LRRN2: variants seen among roughly 807,000 people sequenced by gnomAD.
LRRN2 encodes the protein leucine-rich repeat neuronal protein 2.
LRRN2 carries 10 observed loss-of-function variants against 35.7 expected under a neutral mutation model. That is an observed-to-expected ratio of 0.28 (90% CI 0.17 to 0.47). LRRN2 has a LOEUF of 0.47. Ranked by LOEUF, LRRN2 falls within the 20% of genes least tolerant of loss-of-function variation. LRRN2 has a pLI of 0.99. For synonymous variants in LRRN2, 391 were observed against 409.6 expected, an observed-to-expected ratio of 0.95 and a Z score of 0.55; for missense variants, 731 against 940.3, an observed-to-expected ratio of 0.78 and a Z score of 2.91.
At position 204,678,578 on chromosome 1, in the gene LRRN2, G is replaced by C. The variant is rs577970007; in HGVS notation, c.-227+6742C>G. On this transcript the variant is annotated intron_variant, in intron 1 of 1. Coordinates refer to ENST00000367177, the MANE Select transcript of LRRN2 (RefSeq NM_201630.2). ...AGAGCTAACCTCCTCCTGACCCTCT[G>C]ACTTTATCTCCTGCAACTCTCTGCC... 7.3e-5 allele frequency among the ~76,000 whole-genome samples: 11 copies of C among 151,426 alleles called. No individual in the cohort carries two copies. The South Asian group carries it at 8.3e-4, about 11-fold the overall frequency.
chr1:204,631,303 T>TATATATATATA (rs397829934), intron 1 of LRRN2, among the ~76,000 whole-genome samples: 1 of 111,290 alleles, frequency 9.0e-6, no homozygotes, highest in African/African-American at 3.5e-5. Flanking sequence ...TATATATATA[T>TATATATATATA]GAAGAGCTGC....
At chr1:204,637,156 A>C (rs1667855323) in intron 1 of LRRN2, among the ~76,000 whole-genome samples, 1 of 152,198 alleles carries the variant, frequency 6.6e-6, no homozygotes, top group African/African-American at 2.4e-5. Flanking sequence ...TTTCATAATA[A>C]AGTATTGGGG....
At chr1:204,645,767 G>A (rs1424953655) in intron 1 of LRRN2, among the ~76,000 whole-genome samples, 1 of 152,134 alleles carries the variant, frequency 6.6e-6, no homozygotes, top group Admixed American at 6.5e-5. Flanking sequence ...TCTTCACAGG[G>A]CGGCAGGACG....
chr1:204,638,957 TGCCCTGAGATG>T (rs1255417690), intron 1 of LRRN2, among the ~76,000 whole-genome samples: 3 of 152,370 alleles, frequency 2.0e-5, no homozygotes, highest in African/African-American at 7.2e-5. Context: ...TGAATGACCC[TGCCCTGAGATG>T]GCCATCGCCT....
chr1:204,674,767 C>T (rs938916634), intron 1 of LRRN2, among the ~76,000 whole-genome samples: 6 of 152,124 alleles, frequency 3.9e-5, no homozygotes, highest in African/African-American at 1.2e-4. Context: ...ACAAAGAACA[C>T]GGACAGATCT....
intron 1 of LRRN2, among the ~76,000 whole-genome samples, chr1:204,656,899 A>G (rs1668368335): frequency 6.6e-6 from 1 of 152,206 alleles, no homozygotes; most frequent in Non-Finnish European, 1.5e-5. Context: ...CAAAGTAATC[A>G]TCTTCATTGA....
chr1:204,662,402 A>G (rs543866364), intron 1 of LRRN2, among the ~76,000 whole-genome samples: 2 of 152,276 alleles, frequency 1.3e-5, no homozygotes, highest in South Asian at 4.1e-4. Flanking sequence ...TCTCTGGCAT[A>G]ATTTACTTAT....
At position 204,618,379 on chromosome 1, in the gene LRRN2, G is replaced by A. The variant is rs1432868527; in HGVS notation, c.1614C>T (p.Pro538=). The part of the protein sequence containing the change: ...GLELRVQETH[P]YHILLSWVTP... ...TGACCCAAGATAGCAGGATGTGATA[G>A]GGGTGGGTCTCCTGCACCCGGAGCT... Residue 538 remains proline, a synonymous_variant, in exon 2 of 2, where the codon CCC becomes CCT. Coordinates refer to ENST00000367177, the MANE Select transcript of LRRN2 (RefSeq NM_201630.2). 1 of 1,609,258 alleles carries A rather than the reference G, an allele frequency of 6.2e-7. No individual in the cohort carries two copies. Among genetic ancestry groups the A allele is most frequent in the East Asian group, 2.2e-5 (1 of 44,820 alleles).
intron 1 of LRRN2, among the ~76,000 whole-genome samples, chr1:204,638,342 T>C (rs1285624661): frequency 6.6e-6 from 1 of 151,298 alleles, no homozygotes; most frequent in Non-Finnish European, 1.5e-5. Flanking sequence ...ACTGGCACCC[T>C]TATTTTACAG....
intron 1 of LRRN2, among the ~76,000 whole-genome samples, chr1:204,653,662 A>G (rs1668281077): frequency 6.6e-6 from 1 of 151,974 alleles, no homozygotes; most frequent in African/African-American, 2.4e-5. Flanking sequence ...AGAGTTCAAG[A>G]CCAGCCTGGG....
intron 1 of LRRN2, among the ~76,000 whole-genome samples, chr1:204,655,914 T>C (rs1668343152): frequency 6.6e-6 from 1 of 152,154 alleles, no homozygotes. Flanking sequence ...CTCTTCTTTT[T>C]TCTTTTCTTT....
chr1:204,668,720 C>T (rs908175038), intron 1 of LRRN2, among the ~76,000 whole-genome samples: 1 of 152,162 alleles, frequency 6.6e-6, no homozygotes, highest in Non-Finnish European at 1.5e-5. Context: ...GTGAAACAGG[C>T]GATCATAATA....
chr1:204,639,998 C>G (rs1035852766), intron 1 of LRRN2, among the ~76,000 whole-genome samples: 2 of 152,120 alleles, frequency 1.3e-5, no homozygotes, highest in African/African-American at 4.8e-5. Context: ...ACCATAAATT[C>G]ACAATCACTT....
intron 1 of LRRN2, among the ~76,000 whole-genome samples, chr1:204,632,064 A>G (rs932631195): frequency 2.0e-5 from 3 of 152,046 alleles, no homozygotes; most frequent in African/African-American, 7.2e-5. Context: ...CTACCAAAAA[A>G]CAAACAAACA....
At chr1:204,683,139 G>A (rs1558426303) in intron 1 of LRRN2, 1 of 152,242 alleles carries the variant, frequency 6.6e-6, no homozygotes, top group Non-Finnish European at 1.5e-5. Context: ...GTGAGTAAAT[G>A]ACAGGGTTCA....
In LRRN2 at chr1:204,619,366, G is replaced by T. The variant is rs758184685; in HGVS notation, c.627C>A (p.Phe209Leu). ...GGCTACGCAGGTTGGCCAGGGGCCG[G>T]AAGTTCATGTCCAGGATGGCATCTA... ...NKVDAILDMN[F>L]RPLANLRSLV... The change falls in exon 2 of 2, where the codon TTC becomes TTA. Residue 209 changes from phenylalanine (F) to leucine (L), a missense_variant. Phe to Leu is a conservative substitution (Grantham distance 22, BLOSUM62 0). Coordinates refer to ENST00000367177, the MANE Select transcript of LRRN2 (RefSeq NM_201630.2). 7 of 1,614,258 alleles carry T rather than the reference G, an allele frequency of 4.3e-6. No individual in the cohort carries two copies. Among genetic ancestry groups the T allele is most frequent in the Admixed American group, 1.7e-5 (1 of 60,034 alleles).
At chr1:204,633,010 A>T (rs1031211874) in intron 1 of LRRN2, 1 of 152,084 alleles carries the variant, frequency 6.6e-6, no homozygotes, top group Non-Finnish European at 1.5e-5. Context: ...AAATCCATGT[A>T]TTGGAAACTT....
chr1:204,618,476 T>G lies in LRRN2; in HGVS notation c.1517A>C (p.Asp506Ala), dbSNP rs1373493510. ...TCVAQNLVGA[D>A]TKTVSVVVGR... ...CACAACCACACTAACCGTCTTAGTGTCAGCCCCCACCAGGTTCTGGGCCAC... is the reference window on the plus strand; with the variant it reads ...CACAACCACACTAACCGTCTTAGTGGCAGCCCCCACCAGGTTCTGGGCCAC... The change falls in exon 2 of 2, where the codon GAC becomes GCC. Residue 506 changes from aspartate (D) to alanine (A), a missense_variant. By Grantham distance (126) the Asp-to-Ala change is moderately radical. Around this residue, in one of 3 missense-constraint regions of LRRN2, gnomAD observed 256 missense variants for 392.4 expected, o/e 0.65. Transcript: ENST00000367177. 1 of 1,614,214 alleles carries G rather than the reference T, an allele frequency of 6.2e-7. No individual in the cohort carries two copies.
chr1:204,685,065 T>G (rs1669039364), intron 1 of LRRN2, among the ~76,000 whole-genome samples: 2 of 152,066 alleles, frequency 1.3e-5, no homozygotes, highest in Admixed American at 1.3e-4. Flanking sequence ...TCCGTCCCTC[T>G]GCCCCTCGGC....
Sources: gnomAD v4.1 joint callset for allele counts (sites outside exome capture counted in the v4.1 genomes callset) on GRCh38, gnomAD v4.1.1 for gene constraint, gnomAD v4.1.1 regional missense constraint, MANE v1.5 for transcripts, NCBI Gene and HGNC (gene_info 2026-07-23, HGNC 2026-07-21) for gene names.